The following ZBTB49 variants were observed in gnomAD, a reference collection of about 807,000 sequenced individuals.
ZBTB49 encodes the protein zinc finger and BTB domain-containing protein 49.
In ZBTB49, 43 loss-of-function variants were observed where a neutral mutation model predicts 57.5. The observed-to-expected ratio is 0.75, with a 90% CI of 0.59 to 0.97. The LOEUF (loss-of-function observed/expected upper bound fraction) is 0.97. ZBTB49 is among the 50% of genes least tolerant of loss of function. The probability of loss-of-function intolerance (pLI) is 0.00; values close to 1 mark genes in which losing one functional copy is unlikely to be tolerated. For missense variants in ZBTB49, 938 were observed against 947.7 expected (o/e 0.99, Z 0.13); for synonymous variants, 369 against 362.1 (o/e 1.02, Z -0.22).
intron 5 of ZBTB49, 96 bp from the exon 6 acceptor site, chr4:4,315,540 T>G: frequency 8.4e-7 from 1 of 1,189,770 alleles, no homozygotes; most frequent in South Asian, 1.4e-5. Flanking sequence ...TGCAGCAGTG[T>G]CAGGAGCAGG....
intron 4 of ZBTB49, among the ~76,000 whole-genome samples, chr4:4,311,042 T>C (rs1412601033): frequency 6.6e-6 from 1 of 152,242 alleles, no homozygotes; most frequent in African/African-American, 2.4e-5. Context: ...TTTTATTTAA[T>C]CTGCTTTTAT....
chr4:4,315,152 C>T (rs1319611492), intron 5 of ZBTB49, among the ~76,000 whole-genome samples: 1 of 152,204 alleles, frequency 6.6e-6, no homozygotes, highest in Non-Finnish European at 1.5e-5. Flanking sequence ...GCGAGAGTCG[C>T]ACCTGGCTAG....
Position 4,321,168 on chromosome 4 carries a change from C to G in ZBTB49, c.2150C>G (p.Ala717Gly). 6.2e-7 allele frequency: 1 copy of G among 1,614,200 alleles called. No individual in the cohort carries two copies. Among genetic ancestry groups the G allele is most frequent in the Non-Finnish European group, 8.5e-7 (1 of 1,180,034 alleles). Residue 717 changes from alanine (A) to glycine (G), a missense_variant, in exon 8 of 8, where the codon GCT becomes GGT. Ala to Gly is a moderately conservative substitution (Grantham distance 60, BLOSUM62 0). This residue lies in a region of ZBTB49 where 835 missense variants were observed against 819.1 expected (regional missense o/e 1.02). Transcript: ENST00000337872. ...DGMAMIRSSLAALDNHGGDPL... is the reference protein window; with the variant it reads ...DGMAMIRSSLGALDNHGGDPL... ...ATGGCCATGATCCGTTCCTCTCTGGCTGCTTTGGACAACCACGGCGGTGAC... is the reference window on the plus strand; with the variant it reads ...ATGGCCATGATCCGTTCCTCTCTGGGTGCTTTGGACAACCACGGCGGTGAC...
At chr4:4,297,312 C>T (rs1054475252) in intron 1 of ZBTB49, among the ~76,000 whole-genome samples, 1 of 152,124 alleles carries the variant, frequency 6.6e-6, no homozygotes. Flanking sequence ...TCAGGTGATC[C>T]CCCCACCTCA....
rs368181479 is a variant in ZBTB49 at position 4,320,656 on chromosome 4, A to G, written c.1638A>G (p.Gly546=). The change falls in exon 8 of 8, where the codon GGA becomes GGG. Residue 546 remains glycine, a synonymous_variant. Transcript: ENST00000337872. The part of the protein sequence containing the change: ...SCSACGKCFG[G]SGDLRRHVRT... Reference sequence around the variant, plus strand: ...TTTTTCCAGGGAAATGTTTTGGGGGATCAGGTGACCTCCGCAGGCATGTCC... The same window carrying G: ...TTTTTCCAGGGAAATGTTTTGGGGGGTCAGGTGACCTCCGCAGGCATGTCC... 2 of 1,613,932 alleles carry G rather than the reference A, an allele frequency of 1.2e-6. No homozygotes were observed. Among genetic ancestry groups the G allele is most frequent in the Non-Finnish European group, 1.7e-6 (2 of 1,179,964 alleles).
intron 7 of ZBTB49, among the ~76,000 whole-genome samples, chr4:4,320,379 C>CA (rs1437108503): frequency 2.0e-5 from 3 of 152,070 alleles, no homozygotes; most frequent in African/African-American, 7.2e-5. Flanking sequence ...CAGGGTTGTT[C>CA]AGTGTCTTGG....
intron 2 of ZBTB49, 94 bp downstream of exon 2, chr4:4,300,191 C>T (rs1432316190): frequency 7.4e-7 from 1 of 1,353,694 alleles, no homozygotes; most frequent in Non-Finnish European, 1.0e-6. Flanking sequence ...TTGGATTTCA[C>T]TATCTTTATC....
chr4:4,294,872 C>CGTGTATGTGTGTGT lies in ZBTB49; in HGVS notation c.-20+4524_-20+4525insATGTGTGTGTGTGT, dbSNP rs1553803052. Among the ~76,000 whole-genome samples the CGTGTATGTGTGTGT allele has an allele frequency of 1.2e-3, 167 of 138,128 alleles. 3 individuals carry two copies. The East Asian group carries it at 0.02, about 17-fold the overall frequency. The allele number at this position is 138,128 out of a possible 152,430, so 90.6% of individuals were successfully genotyped here. A position where few individuals can be genotyped will look rare whatever the true frequency, so the allele number is the denominator to read the frequency against. ...TTAACAGGTCTGTGGAGGAGGGTTT[C>CGTGTATGTGTGTGT]GTGTGTGTGTGTGTGTGTGTGTGTG... On this transcript the variant is annotated intron_variant, in intron 1 of 7. Transcript: ENST00000337872.
intron 4 of ZBTB49, among the ~76,000 whole-genome samples, chr4:4,307,693 C>T (rs368751921): frequency 2.6e-5 from 4 of 152,254 alleles, no homozygotes; most frequent in East Asian, 1.9e-4. Context: ...CCGCCCCCAC[C>T]GTTTTCATCT....
chr4:4,294,974 T>C (rs1720125427), intron 1 of ZBTB49, among the ~76,000 whole-genome samples: 1 of 151,722 alleles, frequency 6.6e-6, no homozygotes, highest in South Asian at 2.1e-4. Flanking sequence ...CTCCAGTGTT[T>C]GGGGGCCAGG....
intron 1 of ZBTB49, 115 bp from the exon 2 acceptor site, chr4:4,299,810 TGA>T (rs1553803869): frequency 1.1e-4 from 67 of 607,750 alleles, no homozygotes; most frequent in African/African-American, 5.3e-4. Flanking sequence ...TGTGTGTGTG[TGA>T]GAGAGAAACT....
chr4:4,316,513 G>A (rs547206694), intron 7 of ZBTB49, among the ~76,000 whole-genome samples: 10 of 152,300 alleles, frequency 6.6e-5, no homozygotes, highest in South Asian at 2.1e-4. Context: ...TGATCACAGC[G>A]TTGGAGCCAG....
At position 4,315,828 on chromosome 4, in the gene ZBTB49, T is replaced by G; in HGVS notation, c.1479T>G (p.Asn493Lys). ...CTCTAGGGTTTAGTAACTTCAGTAA[T>G]TTGAAGGAGCACAAAAAGACACACA... Reference protein sequence around the residue: ...ICGRGFSNFSNLKEHKKTHTA... With the variant: ...ICGRGFSNFSKLKEHKKTHTA... Residue 493 changes from asparagine to lysine, a missense_variant, in exon 7 of 8, where the codon AAT becomes AAG. This residue lies in a region of ZBTB49 where 835 missense variants were observed against 819.1 expected (regional missense o/e 1.02). Coordinates refer to ENST00000337872, the MANE Select transcript of ZBTB49 (RefSeq NM_145291.4). 6.2e-7 allele frequency: 1 copy of G among 1,614,196 alleles called. No homozygotes were observed. The highest frequency in any genetic ancestry group is 8.5e-7 in the Non-Finnish European group (1 of 1,180,034).
intron 1 of ZBTB49, among the ~76,000 whole-genome samples, chr4:4,293,278 C>A (rs910326270): frequency 6.6e-6 from 1 of 152,124 alleles, no homozygotes; most frequent in Non-Finnish European, 1.5e-5. Context: ...TGGAAGAGAA[C>A]CTTCTGCTCC....
chr4:4,311,675 A>G (rs1002716423), intron 4 of ZBTB49, among the ~76,000 whole-genome samples: 2 of 152,210 alleles, frequency 1.3e-5, no homozygotes, highest in Non-Finnish European at 2.9e-5. Context: ...TCTCAAGAAA[A>G]TAGGTGGTAA....
rs768098021 is a variant in ZBTB49 at position 4,321,699 on chromosome 4, G to A, written c.*383G>A. The A allele has an allele frequency of 5.0e-6, 1 of 200,500 alleles. No individual in the cohort carries two copies. Among genetic ancestry groups the A allele is most frequent in the Non-Finnish European group, 1.0e-5 (1 of 100,430 alleles). The allele number at this position is 200,500 out of a possible 1,614,324, so 12.4% of individuals were successfully genotyped here. On this transcript the variant is annotated 3_prime_UTR_variant, in exon 8 of 8. Transcript: ENST00000337872. Reference sequence around the variant, plus strand: ...CATTTTTACAAGATTGAAATTTGTAGCATTTTGTATTATTTACACAGAATT... The same window carrying A: ...CATTTTTACAAGATTGAAATTTGTAACATTTTGTATTATTTACACAGAATT...
chr4:4,296,691 G>T (rs559658127), intron 1 of ZBTB49, among the ~76,000 whole-genome samples: 1 of 152,238 alleles, frequency 6.6e-6, no homozygotes, highest in African/African-American at 2.4e-5. Flanking sequence ...TCATGAGAAA[G>T]TAAAGTGGGG....
intron 1 of ZBTB49, 70 bp from the exon 2 acceptor site, chr4:4,299,857 G>A: frequency 6.9e-7 from 1 of 1,441,098 alleles, no homozygotes. Flanking sequence ...CAATCAGTAA[G>A]TTTCAGTCCC....
In ZBTB49 at chr4:4,295,106, G is replaced by C. The variant is rs113304200; in HGVS notation, c.-20+4754G>C. ...ATTGGGTTCTTAGAGACTTGCTTCA[G>C]TTAATGGATGTTGTATTGATCCATT... On this transcript the variant is annotated intron_variant, in intron 1 of 7. Transcript: ENST00000337872. Among the ~76,000 whole-genome samples the C allele has an allele frequency of 8.2e-3, 1,255 of 152,198 alleles. 24 individuals are homozygous for C. Among genetic ancestry groups the C allele is most frequent in the African/African-American group, 0.029 (1,184 of 41,514 alleles).
Sources: gnomAD v4.1 joint callset for allele counts (sites outside exome capture counted in the v4.1 genomes callset) on GRCh38, gnomAD v4.1.1 for gene constraint, gnomAD v4.1.1 regional missense constraint, MANE v1.5 for transcripts, NCBI Gene and HGNC (gene_info 2026-07-23, HGNC 2026-07-21) for gene names.